The following MRPL13 variants were observed in gnomAD, a reference collection of about 807,000 sequenced individuals.
The protein encoded by MRPL13 is mitochondrial ribosomal protein L13, also known as large ribosomal subunit protein uL13m.
A neutral mutation model predicts 29.0 loss-of-function variants in MRPL13; 33 were observed. The observed-to-expected ratio is 1.14, with a 90% CI of 0.86 to 1.52. MRPL13 has a LOEUF of 1.52. Among genes scored for constraint, MRPL13 ranks in the 40% most tolerant of loss-of-function variants. The pLI is 0.00. For missense variants in MRPL13, 227 were observed against 216.7 expected (o/e 1.05, Z -0.30); for synonymous variants, 77 against 68.4 (o/e 1.13, Z -0.62).
chr8:120,422,367 T>C (rs1812882828), intron 4 of MRPL13, among the ~76,000 whole-genome samples: 1 of 151,506 alleles, frequency 6.6e-6, no homozygotes, highest in African/African-American at 2.4e-5. Flanking sequence ...AAGTTGAAAG[T>C]TTAGGTCTAT....
At chr8:120,405,243 T>C (rs1304927885) in intron 6 of MRPL13, among the ~76,000 whole-genome samples, 1 of 152,212 alleles carries the variant, frequency 6.6e-6, no homozygotes, top group Admixed American at 6.5e-5. Flanking sequence ...TTTACTTCTC[T>C]CTGTCTCAAA....
intron 6 of MRPL13, among the ~76,000 whole-genome samples, chr8:120,398,316 G>C (rs2130446897): frequency 6.6e-6 from 1 of 152,280 alleles, no homozygotes; most frequent in Admixed American, 6.5e-5. Context: ...CTGTTTTGCA[G>C]CCTTAACTGG....
At chr8:120,406,187 CCTT>C (rs1812665329) in intron 6 of MRPL13, among the ~76,000 whole-genome samples, 3 of 151,988 alleles carry the variant, frequency 2.0e-5, no homozygotes, top group Non-Finnish European at 4.4e-5. Context: ...CAAATTTACT[CCTT>C]GACAGAAATA....
At chr8:120,419,334 A>C (rs1287900302) in intron 5 of MRPL13, among the ~76,000 whole-genome samples, 1 of 151,950 alleles carries the variant, frequency 6.6e-6, no homozygotes, top group African/African-American at 2.4e-5. Flanking sequence ...TAAGTACTTA[A>C]AACAATATAA....
At chr8:120,434,945 CAT>C (rs1813036754) in intron 2 of MRPL13, among the ~76,000 whole-genome samples, 1 of 152,124 alleles carries the variant, frequency 6.6e-6, no homozygotes, top group South Asian at 2.1e-4. Flanking sequence ...AGATCCCTCA[CAT>C]AGAGTTATCA....
At chr8:120,444,010 C>T (rs1156413964) in intron 1 of MRPL13, among the ~76,000 whole-genome samples, 1 of 152,012 alleles carries the variant, frequency 6.6e-6, no homozygotes, top group African/African-American at 2.4e-5. Flanking sequence ...ACACAAGAGG[C>T]TAAACAATGC....
intron 1 of MRPL13, among the ~76,000 whole-genome samples, chr8:120,444,665 C>T (rs1207757871): frequency 6.6e-6 from 1 of 152,122 alleles, no homozygotes; most frequent in Non-Finnish European, 1.5e-5. Flanking sequence ...GACCCAGCAG[C>T]CAGAGTGCTC....
intron 2 of MRPL13, among the ~76,000 whole-genome samples, chr8:120,442,483 T>C (rs1586930262): frequency 6.6e-6 from 1 of 152,196 alleles, no homozygotes; most frequent in African/African-American, 2.4e-5. Flanking sequence ...CTTTAAAATA[T>C]CACATATTTT....
At chr8:120,422,780 G>C (rs975840654) in intron 4 of MRPL13, among the ~76,000 whole-genome samples, 9 of 151,762 alleles carry the variant, frequency 5.9e-5, no homozygotes, top group Non-Finnish European at 1.3e-4. Flanking sequence ...TCAAAATCCT[G>C]TAAGTCTAAA....
intron 6 of MRPL13, among the ~76,000 whole-genome samples, chr8:120,398,059 C>G (rs975768428): frequency 6.6e-6 from 1 of 152,210 alleles, no homozygotes; most frequent in Non-Finnish European, 1.5e-5. Flanking sequence ...CACAGCCTTT[C>G]CAGACTGTTG....
intron 6 of MRPL13, among the ~76,000 whole-genome samples, chr8:120,404,077 T>C (rs1239797601): frequency 6.6e-6 from 1 of 152,218 alleles, no homozygotes; most frequent in Non-Finnish European, 1.5e-5. Flanking sequence ...CTCCAGAATA[T>C]ACCCTTTTCT....
intron 4 of MRPL13, among the ~76,000 whole-genome samples, chr8:120,421,524 G>T (rs1054488417): frequency 6.6e-6 from 1 of 151,876 alleles, no homozygotes; most frequent in Non-Finnish European, 1.5e-5. Context: ...TCTACTGGCA[G>T]AGGCCTACTA....
rs544815328 is a variant in MRPL13 at position 120,395,978 on chromosome 8, A to G, written c.*126T>C. 68 of 725,242 alleles carry G rather than the reference A, an allele frequency of 9.4e-5. 3 individuals are homozygous for G. The South Asian group carries it at 1.2e-3, about 13-fold the overall frequency. The allele number at this position is 725,242 out of a possible 1,614,324, so 44.9% of individuals were successfully genotyped here. A position where few individuals can be genotyped will look rare whatever the true frequency, so the allele number is the denominator to read the frequency against. ...CTATACCTTCCTGACCTTTCCCCAC[A>G]GTGATTCGGCACATAAAACAGGTGC... On this transcript the variant is annotated 3_prime_UTR_variant, in exon 7 of 7. Coordinates refer to ENST00000306185, the MANE Select transcript of MRPL13 (RefSeq NM_014078.6).
intron 2 of MRPL13, among the ~76,000 whole-genome samples, chr8:120,441,718 C>A (rs528134587): frequency 1.3e-5 from 2 of 152,086 alleles, no homozygotes; most frequent in South Asian, 4.2e-4. Flanking sequence ...TTGGGAAAAC[C>A]AAAGAAATTT....
intron 1 of MRPL13, among the ~76,000 whole-genome samples, chr8:120,444,387 C>G (rs1276067403): frequency 6.6e-6 from 1 of 152,152 alleles, no homozygotes; most frequent in Non-Finnish European, 1.5e-5. Flanking sequence ...CCTTCCCTAT[C>G]TCAGTTGATG....
At chr8:120,397,212 C>T (rs1308685880) in intron 6 of MRPL13, among the ~76,000 whole-genome samples, 1 of 102,548 alleles carries the variant, frequency 9.8e-6, no homozygotes, top group African/African-American at 2.7e-5. Context: ...GGGTCCAATA[C>T]ACAGAGCTGT....
rs142922457 is a variant in MRPL13 at position 120,418,492 on chromosome 8, A to G, written c.393+1360T>C. ...TGTTGTGCTACCACCAACAATGTAT[A>G]AGTGTGCCTGTTTCCCCCATCGGCT... On this transcript the variant is annotated intron_variant, in intron 5 of 6. Transcript: ENST00000306185. 4.7e-4 allele frequency among the ~76,000 whole-genome samples: 71 copies of G among 152,208 alleles called. 1 individual carries two copies. The highest frequency in any genetic ancestry group is 1.6e-3 in the African/African-American group (67 of 41,572).
At chr8:120,438,783 G>A (rs1485451333) in intron 2 of MRPL13, among the ~76,000 whole-genome samples, 1 of 152,130 alleles carries the variant, frequency 6.6e-6, no homozygotes, top group Non-Finnish European at 1.5e-5. Flanking sequence ...TAATATAGCT[G>A]AATAGCAATG....
chr8:120,397,894 C>T (rs1812542598), intron 6 of MRPL13, among the ~76,000 whole-genome samples: 1 of 151,866 alleles, frequency 6.6e-6, no homozygotes, highest in Non-Finnish European at 1.5e-5. Context: ...AGTGGGACCC[C>T]GATCCATCCC....
Sources: allele counts gnomAD v4.1 joint callset (sites outside exome capture counted in the v4.1 genomes callset), GRCh38; gene constraint gnomAD v4.1.1; transcripts MANE v1.5; gene names NCBI Gene and HGNC (gene_info 2026-07-23, HGNC 2026-07-21).